The following AFG1L variants were observed in gnomAD, a reference collection of about 807,000 sequenced individuals.
AFG1L encodes AFG1 like ATPase, also known as AFG1-like ATPase.
In AFG1L, 53 loss-of-function variants were observed where a neutral mutation model predicts 62.2. The ratio of observed to expected loss-of-function variants is 0.85; its 90% CI spans 0.68 to 1.07. The LOEUF is 1.07. Among genes scored for constraint, AFG1L ranks in the 50% least tolerant of loss-of-function variants. The pLI, the probability that AFG1L is intolerant of heterozygous loss-of-function variation, is 0.00. For synonymous variants in AFG1L, 228 were observed against 210.3 expected (o/e 1.08, Z -0.73); for missense variants, 555 against 590.5 (o/e 0.94, Z 0.62).
rs920579558 is a variant in AFG1L at position 108,372,678 on chromosome 6, C to G, written c.748+6346C>G. 1.9e-5 allele frequency: 3 copies of G among 153,896 alleles called. 1 individual carries two copies. Among genetic ancestry groups the G allele is most frequent in the East Asian group, 3.8e-4 (2 of 5,200 alleles). 9.5% of individuals were successfully genotyped at this position (153,896 alleles called of 1,614,324 possible). ...TGTTATGTCCATTAAGTCAAAGAGT[C>G]TCTTAAACCTTTCTGGGCCTATTTA... On this transcript the variant is annotated intron_variant, in intron 6 of 12. Coordinates refer to ENST00000368977, the MANE Select transcript of AFG1L (RefSeq NM_145315.5).
intron 7 of AFG1L, among the ~76,000 whole-genome samples, chr6:108,418,523 G>T (rs1265130464): frequency 1.3e-5 from 2 of 152,252 alleles, no homozygotes; most frequent in South Asian, 4.2e-4. Flanking sequence ...TGTTTTATGT[G>T]ATGAAAATCC....
At chr6:108,471,280 G>T (rs1026101057) in intron 8 of AFG1L, among the ~76,000 whole-genome samples, 7 of 152,046 alleles carry the variant, frequency 4.6e-5, no homozygotes, top group African/African-American at 1.7e-4. Flanking sequence ...CAGAGACACC[G>T]TATAAGACTG....
At chr6:108,353,536 A>G (rs1396007) in intron 3 of AFG1L, among the ~76,000 whole-genome samples, 150,652 of 152,166 alleles carry the variant, frequency 0.99, 74,586 homozygotes, top group East Asian at 1. Flanking sequence ...CAATGCACAG[A>G]TTCCAATTTT....
At chr6:108,324,775 C>G (rs1004886645) in intron 2 of AFG1L, among the ~76,000 whole-genome samples, 2 of 151,462 alleles carry the variant, frequency 1.3e-5, no homozygotes, top group East Asian at 3.9e-4. Context: ...CTCCTGGCAA[C>G]CTTTGCCTCC....
chr6:108,347,155 G>A, intron 3 of AFG1L, 116 bp downstream of exon 3: 2 of 866,344 alleles, frequency 2.3e-6, no homozygotes, highest in Non-Finnish European at 3.8e-6. Context: ...ATAGGATGAG[G>A]CAGGGTAAGG....
chr6:108,325,912 G>A (rs1778024860), intron 2 of AFG1L, among the ~76,000 whole-genome samples: 1 of 152,070 alleles, frequency 6.6e-6, no homozygotes, highest in African/African-American at 2.4e-5. Flanking sequence ...AAATAGCTGG[G>A]ATTACAGGCA....
At chr6:108,473,644 G>A (rs1425735266) in intron 8 of AFG1L, among the ~76,000 whole-genome samples, 1 of 152,078 alleles carries the variant, frequency 6.6e-6, no homozygotes, top group African/African-American at 2.4e-5. Flanking sequence ...TGCAACCTGC[G>A]CCTCCCGGGT....
At chr6:108,476,602 G>A (rs1394857430) in intron 8 of AFG1L, among the ~76,000 whole-genome samples, 1 of 152,180 alleles carries the variant, frequency 6.6e-6, no homozygotes, top group African/African-American at 2.4e-5. Flanking sequence ...TGGTATTAAT[G>A]GATTTACTCT....
At chr6:108,437,640 G>A (rs1771367531) in intron 7 of AFG1L, among the ~76,000 whole-genome samples, 2 of 152,080 alleles carry the variant, frequency 1.3e-5, no homozygotes, top group Admixed American at 1.3e-4. Context: ...AATTTAGTAT[G>A]GGGTACATTT....
At chr6:108,471,079 C>G (rs868493228) in intron 8 of AFG1L, among the ~76,000 whole-genome samples, 2 of 152,040 alleles carry the variant, frequency 1.3e-5, no homozygotes, top group Non-Finnish European at 2.9e-5. Flanking sequence ...CTTGGTCGAC[C>G]ATGAGGAGGG....
intron 7 of AFG1L, among the ~76,000 whole-genome samples, chr6:108,404,141 T>G (rs892816126): frequency 1.3e-5 from 2 of 152,180 alleles, no homozygotes; most frequent in African/African-American, 2.4e-5. Flanking sequence ...TTAACTTAAG[T>G]GACTTTTTGC....
At chr6:108,468,982 T>C (rs1772784035) in intron 8 of AFG1L, among the ~76,000 whole-genome samples, 2 of 152,202 alleles carry the variant, frequency 1.3e-5, no homozygotes, top group African/African-American at 2.4e-5. Flanking sequence ...CTCTTATTTT[T>C]TTCTTTGCTT....
chr6:108,426,551 T>G (rs894957496), intron 7 of AFG1L, among the ~76,000 whole-genome samples: 2 of 152,192 alleles, frequency 1.3e-5, no homozygotes, highest in East Asian at 3.8e-4. Flanking sequence ...TCTGATTTTC[T>G]TGGATAAGGT....
chr6:108,473,915 T>C (rs1429708515), intron 8 of AFG1L, among the ~76,000 whole-genome samples: 1 of 152,210 alleles, frequency 6.6e-6, no homozygotes, highest in African/African-American at 2.4e-5. Flanking sequence ...ATGTGTAGGA[T>C]GTGCAGATTT....
chr6:108,303,812 T>TAACAAATG (rs1777100727), intron 1 of AFG1L, among the ~76,000 whole-genome samples: 1 of 152,200 alleles, frequency 6.6e-6, no homozygotes. Flanking sequence ...TAAACTAACA[T>TAACAAATG]AACAAATGAA....
At chr6:108,359,019 A>G (rs2114471947) in intron 5 of AFG1L, 3 of 152,354 alleles carry the variant, frequency 2.0e-5, no homozygotes, top group Middle Eastern at 6.8e-3. Flanking sequence ...GATCAAGAAA[A>G]TATTATAATT....
At chr6:108,519,596 T>A in intron 11 of AFG1L, 101 bp from the exon 12 acceptor site, 1 of 662,722 alleles carries the variant, frequency 1.5e-6, no homozygotes, top group Non-Finnish European at 2.7e-6. Context: ...AGATCCAAGC[T>A]CCTGTATGTG....
intron 1 of AFG1L, among the ~76,000 whole-genome samples, chr6:108,321,389 A>G (rs1411952334): frequency 6.6e-6 from 1 of 152,150 alleles, no homozygotes; most frequent in Non-Finnish European, 1.5e-5. Flanking sequence ...AAGTTCTCCA[A>G]GTCTCCTTGA....
chr6:108,298,260 ATTTTTTTTTTT>A (rs779200181), intron 1 of AFG1L, among the ~76,000 whole-genome samples: 325 of 121,500 alleles, frequency 2.7e-3, no homozygotes, highest in African/African-American at 0.01. Flanking sequence ...GAGGGGAAGA[ATTTTTTTTTTT>A]TTTTTTTTTT....
Sources: allele counts gnomAD v4.1 joint callset (sites outside exome capture counted in the v4.1 genomes callset), GRCh38; gene constraint gnomAD v4.1.1; transcripts MANE v1.5; gene names NCBI Gene and HGNC (gene_info 2026-07-23, HGNC 2026-07-21).